Variants in MPDZ observed in about 807,000 individuals in gnomAD.
MPDZ encodes multiple PDZ domain crumbs cell polarity complex component, also known as multiple PDZ domain protein.
MPDZ carries 234 observed loss-of-function variants against 239.1 expected under a neutral mutation model. The observed-to-expected ratio is 0.98, with a 90% confidence interval of 0.88 to 1.09. The LOEUF is 1.09. Ranked by LOEUF, MPDZ falls within the 50% of genes least tolerant of loss-of-function variation. The pLI, the probability that MPDZ is intolerant of heterozygous loss-of-function variation, is 0.00. For synonymous variants in MPDZ, 1,048 were observed against 881.3 expected (o/e 1.19, Z -3.35); for missense variants, 3,175 against 2,510.0 (o/e 1.26, Z -5.66).
intron 1 of MPDZ, among the ~76,000 whole-genome samples, chr9:13,263,466 T>G (rs1441205407): frequency 6.6e-6 from 1 of 152,050 alleles, no homozygotes; most frequent in Non-Finnish European, 1.5e-5. Context: ...ATGTTAACAT[T>G]GGTAAATTCT....
At chr9:13,214,596 AT>A (rs1172517016) in intron 10 of MPDZ, among the ~76,000 whole-genome samples, 1 of 152,010 alleles carries the variant, frequency 6.6e-6, no homozygotes, top group Non-Finnish European at 1.5e-5. Context: ...AATCAAGCTT[AT>A]TTTTTTAAAA....
chr9:13,112,210 CTTTG>C, intron 42 of MPDZ, 64 bp from the exon 43 acceptor site: 1 of 1,488,286 alleles, frequency 6.7e-7, no homozygotes, highest in South Asian at 1.4e-5. Flanking sequence ...TTTGTTTATT[CTTTG>C]GCATGATATC....
intron 18 of MPDZ, among the ~76,000 whole-genome samples, chr9:13,184,204 GAT>G (rs1018469392): frequency 2.6e-5 from 4 of 151,940 alleles, no homozygotes; most frequent in Admixed American, 2.6e-4. Flanking sequence ...TAAAGAGTGA[GAT>G]AGAGAATTTC....
At chr9:13,219,970 T>C (rs1241681233) in intron 7 of MPDZ, among the ~76,000 whole-genome samples, 1 of 151,990 alleles carries the variant, frequency 6.6e-6, no homozygotes, top group Non-Finnish European at 1.5e-5. Flanking sequence ...GAAATTCACA[T>C]ATAGTCTTTA....
intron 1 of MPDZ, among the ~76,000 whole-genome samples, chr9:13,259,370 G>A (rs1466538933): frequency 1.3e-5 from 2 of 152,072 alleles, no homozygotes; most frequent in Non-Finnish European, 2.9e-5. Flanking sequence ...ATGCAGGGAA[G>A]GTCAAGGGAG....
intron 3 of MPDZ, among the ~76,000 whole-genome samples, chr9:13,229,799 T>G (rs1961834484): frequency 1.3e-5 from 2 of 152,162 alleles, no homozygotes; most frequent in Admixed American, 1.3e-4. Flanking sequence ...GAGCTTTAAA[T>G]ATATATGTAA....
chr9:13,240,173 C>A (rs1965039233), intron 3 of MPDZ, among the ~76,000 whole-genome samples: 2 of 151,960 alleles, frequency 1.3e-5, no homozygotes, highest in African/African-American at 4.8e-5. Flanking sequence ...AGGAGACAAA[C>A]TGACTCACTG....
chr9:13,153,786 TAACTC>T (rs1229985901), intron 24 of MPDZ, among the ~76,000 whole-genome samples: 1 of 151,720 alleles, frequency 6.6e-6, no homozygotes, highest in Non-Finnish European at 1.5e-5. Context: ...TAGGACTCCT[TAACTC>T]TTTTCTTAAG....
chr9:13,141,787 T>A (rs7857362), intron 27 of MPDZ, among the ~76,000 whole-genome samples: 1 of 151,630 alleles, frequency 6.6e-6, no homozygotes, highest in South Asian at 2.1e-4. Flanking sequence ...GCAAAGCAAA[T>A]CGCTGACTGA....
At chr9:13,216,751 C>T (rs1453131359) in intron 10 of MPDZ, 23 bp downstream of exon 10, 3 of 1,505,868 alleles carry the variant, frequency 2.0e-6, no homozygotes, top group Non-Finnish European at 1.8e-6. Context: ...ATTAACAAAG[C>T]TATTGTTAAA....
At chr9:13,250,532 T>C (rs1250200353) in intron 1 of MPDZ, among the ~76,000 whole-genome samples, 160 bp from the exon 2 acceptor site, 2 of 152,200 alleles carry the variant, frequency 1.3e-5, no homozygotes, top group East Asian at 3.9e-4. Flanking sequence ...AAAGTAAACA[T>C]TTTAGGACTT....
chr9:13,109,765 T>G (rs921289517), intron 45 of MPDZ, among the ~76,000 whole-genome samples, 187 bp downstream of exon 45: 1 of 152,184 alleles, frequency 6.6e-6, no homozygotes, highest in Non-Finnish European at 1.5e-5. Context: ...TACTTATCTT[T>G]GATCAGCTAA....
At chr9:13,156,096 T>A (rs6474753) in intron 24 of MPDZ, among the ~76,000 whole-genome samples, 3 of 151,994 alleles carry the variant, frequency 2.0e-5, no homozygotes, top group African/African-American at 4.8e-5. Context: ...TTTATCAATA[T>A]AGACAAAGCC....
intron 1 of MPDZ, among the ~76,000 whole-genome samples, chr9:13,275,520 T>C (rs1049700767): frequency 6.6e-5 from 10 of 152,308 alleles, no homozygotes; most frequent in Non-Finnish European, 1.5e-4. Context: ...GGCAGCCCTA[T>C]CAAACTAATA....
intron 39 of MPDZ, 79 bp downstream of exon 39, chr9:13,119,423 T>C: frequency 6.7e-7 from 1 of 1,482,828 alleles, no homozygotes; most frequent in Non-Finnish European, 9.1e-7. Flanking sequence ...TCATTACTAA[T>C]TTGACTATGA....
intron 10 of MPDZ, among the ~76,000 whole-genome samples, chr9:13,210,353 A>G (rs568319887): frequency 5.9e-5 from 9 of 152,140 alleles, no homozygotes; most frequent in Non-Finnish European, 1.0e-4. Flanking sequence ...GTAAAGAACT[A>G]CAATTCACAC....
chr9:13,153,698 C>T (rs778205666), intron 24 of MPDZ, among the ~76,000 whole-genome samples: 2 of 152,032 alleles, frequency 1.3e-5, no homozygotes, highest in Non-Finnish European at 2.9e-5. Flanking sequence ...GTAAGTTTAG[C>T]CATTGTACAT....
At position 13,230,436 on chromosome 9, in the gene MPDZ, T is replaced by C. The variant is rs193153566; in HGVS notation, c.184-5853A>G. ...AGGTAAATCCAATAAGAAATACTAC[T>C]GAAAAATAAAAGAAGAAAAATATTA... is the stretch of plus-strand genomic sequence containing the variant. On this transcript the variant is annotated intron_variant, in intron 3 of 46. Transcript: ENST00000319217. Among the ~76,000 whole-genome samples, 31 of 152,200 alleles carry C rather than the reference T, an allele frequency of 2.0e-4. No homozygotes were observed. The East Asian group carries it at 4.8e-3, about 24-fold the overall frequency.
At chr9:13,177,354 C>T (rs1272932864) in intron 19 of MPDZ, among the ~76,000 whole-genome samples, 4 of 152,218 alleles carry the variant, frequency 2.6e-5, no homozygotes, top group South Asian at 2.1e-4. Flanking sequence ...GAAGAGTTTT[C>T]GCTATGGCTT....
Sources: gnomAD v4.1 joint callset for allele counts (sites outside exome capture counted in the v4.1 genomes callset) on GRCh38, gnomAD v4.1.1 for gene constraint, MANE v1.5 for transcripts, NCBI Gene and HGNC (gene_info 2026-07-23, HGNC 2026-07-21) for gene names.